Variants in TNC observed in about 807,000 individuals in gnomAD.
TNC encodes the protein tenascin C.
Under a neutral mutation model 202.4 loss-of-function variants are expected in TNC, and 109 were observed. The observed-to-expected ratio is 0.54, with a 90% CI of 0.46 to 0.63. The LOEUF (loss-of-function observed/expected upper bound fraction) is 0.63. Among genes scored for constraint, TNC ranks in the 30% least tolerant of loss-of-function variants. The pLI, the probability that TNC is intolerant of heterozygous loss-of-function variation, is 0.00. For missense variants in TNC, 2,756 were observed against 2,833.3 expected, an observed-to-expected ratio of 0.97 and a Z score of 0.62; for synonymous variants, 1,007 against 1,089.7, an observed-to-expected ratio of 0.92 and a Z score of 1.50.
intron 18 of TNC, among the ~76,000 whole-genome samples, chr9:115,041,903 G>A (rs1364767620): frequency 3.3e-5 from 5 of 152,192 alleles, no homozygotes; most frequent in South Asian, 2.1e-4. Context: ...ATGAGTGTGC[G>A]CAGGGAGAGA....
chr9:115,054,031 C>T (rs1022363254), intron 15 of TNC, among the ~76,000 whole-genome samples: 3 of 152,134 alleles, frequency 2.0e-5, no homozygotes, highest in African/African-American at 4.8e-5. Context: ...CCTAAATGCT[C>T]ATTTATCAAA....
At position 115,020,629 on chromosome 9, in the gene TNC, TTCATCA is replaced by T. The variant is rs758727762; in HGVS notation, c.*522_*527del. On this transcript the variant is annotated 3_prime_UTR_variant, in exon 28 of 28. Coordinates refer to ENST00000350763, the MANE Select transcript of TNC (RefSeq NM_002160.4). ...AAGATCTCTTGAAAAATCCTTAGTT[TTCATCA>T]TCATCATCATCATTATTATATTAAT... 2 of 363,248 alleles carry T rather than the reference TTCATCA, an allele frequency of 5.5e-6. No homozygotes were observed. Among genetic ancestry groups the T allele is most frequent in the African/African-American group, 2.1e-5 (1 of 47,074 alleles). 22.5% of individuals were successfully genotyped at this position (363,248 alleles called of 1,614,324 possible).
intron 15 of TNC, among the ~76,000 whole-genome samples, chr9:115,049,330 T>G (rs1831463621): frequency 6.6e-6 from 1 of 152,142 alleles, no homozygotes; most frequent in African/African-American, 2.4e-5. Context: ...TTGGCTAAGT[T>G]TCCATTGATA....
intron 22 of TNC, among the ~76,000 whole-genome samples, chr9:115,032,237 C>T (rs1229549436): frequency 6.6e-6 from 1 of 152,034 alleles, no homozygotes; most frequent in Non-Finnish European, 1.5e-5. Context: ...TACTTAGCTT[C>T]AGGTGTTAGA....
At chr9:115,048,230 G>C in intron 16 of TNC, 30 bp downstream of exon 16, 1 of 1,606,578 alleles carries the variant, frequency 6.2e-7, no homozygotes, top group Non-Finnish European at 8.5e-7. Context: ...ACCAGGAAGA[G>C]GAACAAATGG....
intron 1 of TNC, among the ~76,000 whole-genome samples, chr9:115,105,897 C>T (rs1029053831): frequency 2.0e-5 from 3 of 152,072 alleles, no homozygotes; most frequent in South Asian, 2.1e-4. Flanking sequence ...TTGGAAATCT[C>T]GAAGAAGGGG....
In TNC at chr9:115,057,068, T is replaced by C. The variant is rs1832180011; in HGVS notation, c.4579+85A>G. On this transcript the variant is annotated intron_variant, in intron 15 of 27. Coordinates refer to ENST00000350763, the MANE Select transcript of TNC (RefSeq NM_002160.4). ...GAGTTAGTGCCCTGTGGCTTGTACA[T>C]CAATGGGAGAGGAGAAGGAGAGGCT... 2.7e-6 allele frequency: 4 copies of C among 1,482,370 alleles called. No individual in the cohort carries two copies. In the South Asian group the frequency reaches 5.4e-5, roughly 20 times the overall value. The allele number at this position is 1,482,370 out of a possible 1,614,324, so 91.8% of individuals were successfully genotyped here.
chr9:115,105,988 TG>T (rs1836587091), intron 1 of TNC, among the ~76,000 whole-genome samples: 1 of 152,102 alleles, frequency 6.6e-6, no homozygotes, highest in South Asian at 2.1e-4. Flanking sequence ...TGGCACACGA[TG>T]GGGGAAGAAC....
chr9:115,034,674 G>A (rs1830185312), intron 22 of TNC, among the ~76,000 whole-genome samples: 1 of 152,194 alleles, frequency 6.6e-6, no homozygotes, highest in African/African-American at 2.4e-5. Context: ...AACAAGTTTG[G>A]AAGGTAAAGT....
intron 1 of TNC, among the ~76,000 whole-genome samples, chr9:115,091,631 C>T (rs556662638): frequency 6.6e-5 from 10 of 152,238 alleles, no homozygotes; most frequent in South Asian, 4.2e-4. Context: ...GCCCTGGTCC[C>T]GGTAGATGTT....
chr9:115,028,487 G>A (rs1463126528), intron 25 of TNC, among the ~76,000 whole-genome samples: 1 of 152,160 alleles, frequency 6.6e-6, no homozygotes, highest in Non-Finnish European at 1.5e-5. Context: ...ATATCAGTGA[G>A]GAGGATTCTA....
rs1391132458 is a variant in TNC at position 115,082,713 on chromosome 9, C to T, written c.2226G>A (p.Trp742Ter). Residue 742 changes from tryptophan to a stop codon, truncating the protein, a stop_gained, in exon 5 of 28, where the codon TGG becomes TGA. Coordinates refer to ENST00000350763, the MANE Select transcript of TNC (RefSeq NM_002160.4). LOFTEE classifies it high-confidence loss of function. ...WDPLDIAFET[W>*]EIIFRNMNKE... ...TTACCATATTCCGGAAGATGATCTC[C>T]CAGGTTTCAAAAGCAATGTCTAGAG... The T allele has an allele frequency of 2.5e-6, 4 of 1,613,160 alleles. No individual in the cohort carries two copies. Among genetic ancestry groups the T allele is most frequent in the Non-Finnish European group, 3.4e-6 (4 of 1,179,292 alleles).
rs760201412 is a variant in TNC, at chr9:115,086,368, C to G, written c.1363G>C (p.Val455Leu). The G allele has an allele frequency of 6.2e-7, 1 of 1,614,160 alleles. No homozygotes were observed. The highest frequency in any genetic ancestry group is 1.1e-5 in the South Asian group (1 of 91,088). ...TAGCCCTTGAAGCCTTGCTCACATACACATTTGCCCTCGACACAGCGGCCC... is the reference window on the plus strand; with the variant it reads ...TAGCCCTTGAAGCCTTGCTCACATAGACATTTGCCCTCGACACAGCGGCCC... Reference protein sequence around the residue: ...SRGRCVEGKCVCEQGFKGYDC... With the variant: ...SRGRCVEGKCLCEQGFKGYDC... The change falls in exon 3 of 28, where the codon GTA becomes CTA. Residue 455 changes from valine to leucine, a missense_variant. This residue lies in a region of TNC where 2,559 missense variants were observed against 2,546.0 expected (regional missense o/e 1.01). Coordinates refer to ENST00000350763, the MANE Select transcript of TNC (RefSeq NM_002160.4).
Position 115,077,940 on chromosome 9 carries a change from T to C in TNC, c.2674+3A>G, listed in dbSNP as rs1834003070. 6.2e-7 allele frequency: 1 copy of C among 1,613,502 alleles called. No individual in the cohort carries two copies. The highest frequency in any genetic ancestry group is 1.7e-5 in the Admixed American group (1 of 60,004). On this transcript the variant is annotated splice_donor_region_variant and intron_variant, in intron 7 of 27. Coordinates refer to ENST00000350763, the MANE Select transcript of TNC (RefSeq NM_002160.4). ...TATCTGTTAACAGGGGGAGGCCTTT[T>C]ACCTGTTGTGAAGGTCTCTTTGGCT...
chr9:115,111,246 T>G (rs1313298514), intron 1 of TNC, among the ~76,000 whole-genome samples: 1 of 152,110 alleles, frequency 6.6e-6, no homozygotes, highest in African/African-American at 2.4e-5. Flanking sequence ...GGCATTCTCA[T>G]ACGTGTGCAA....
At chr9:115,035,547 G>A in intron 21 of TNC, 2 of 500,430 alleles carry the variant, frequency 4.0e-6, no homozygotes, top group Non-Finnish European at 7.0e-6. Context: ...AGGGCTGGAT[G>A]TTTCTAACTG....
chr9:115,114,312 G>T (rs1588255740), intron 1 of TNC, among the ~76,000 whole-genome samples: 1 of 152,298 alleles, frequency 6.6e-6, no homozygotes, highest in Non-Finnish European at 1.5e-5. Flanking sequence ...TCAATTTGTG[G>T]CTCGGAGCCT....
chr9:115,083,548 G>A (rs1834468783), intron 4 of TNC, among the ~76,000 whole-genome samples: 1 of 151,812 alleles, frequency 6.6e-6, no homozygotes, highest in African/African-American at 2.4e-5. Context: ...TCTGTAAAAT[G>A]GGGTTAACAA....
Position 115,086,624 on chromosome 9 carries a change from A to G in TNC, c.1107T>C (p.Gly369=), listed in dbSNP as rs775842660. 6.2e-7 allele frequency: 1 copy of G among 1,613,850 alleles called. No homozygotes were observed. Among genetic ancestry groups the G allele is most frequent in the Admixed American group, 1.7e-5 (1 of 60,000 alleles). The change falls in exon 3 of 28, where the codon GGT becomes GGC. Residue 369 remains glycine, a synonymous_variant. Coordinates refer to ENST00000350763, the MANE Select transcript of TNC (RefSeq NM_002160.4). ...GACACCTCTTCTCGCTGCAGTCCAC[A>G]CCGGCAAAGCCCTCATCACATACAC... ...GQCVCDEGFA[G]VDCSEKRCPA...
Sources: allele counts gnomAD v4.1 joint callset (sites outside exome capture counted in the v4.1 genomes callset), GRCh38; gene constraint gnomAD v4.1.1; regional missense constraint gnomAD v4.1.1; transcripts MANE v1.5; gene names NCBI Gene and HGNC (gene_info 2026-07-23, HGNC 2026-07-21).